The following ARHGEF38 variants were observed in gnomAD, a reference collection of about 807,000 sequenced individuals.
ARHGEF38 encodes the protein Rho guanine nucleotide exchange factor (GEF) 38.
A neutral mutation model predicts 79.9 loss-of-function variants in ARHGEF38; 79 were observed. The observed-to-expected ratio is 0.99, with a 90% CI of 0.82 to 1.19. The LOEUF is 1.19. Among genes scored for constraint, ARHGEF38 ranks in the 50% most tolerant of loss-of-function variants. ARHGEF38 has a pLI of 0.00. For synonymous variants in ARHGEF38, 366 were observed against 328.3 expected (o/e 1.11, Z -1.24); for missense variants, 962 against 907.2 (o/e 1.06, Z -0.78).
chr4:105,580,329 C>G (rs936696084), intron 1 of ARHGEF38, among the ~76,000 whole-genome samples: 10 of 152,118 alleles, frequency 6.6e-5, no homozygotes, highest in Admixed American at 6.6e-4. Flanking sequence ...TGAGATCTTT[C>G]TAACTTTTCG....
intron 6 of ARHGEF38, among the ~76,000 whole-genome samples, chr4:105,647,568 C>T (rs1000797455): frequency 6.6e-6 from 1 of 152,196 alleles, no homozygotes; most frequent in African/African-American, 2.4e-5. Context: ...AGCAGATTCT[C>T]TGCATGAACT....
In ARHGEF38 at chr4:105,621,359, C is replaced by T. The variant is rs548102435; in HGVS notation, c.508+7852C>T. Among the ~76,000 whole-genome samples the T allele has an allele frequency of 9.7e-4, 147 of 152,318 alleles. 1 individual carries two copies. The highest frequency in any genetic ancestry group is 3.5e-3 in the African/African-American group (144 of 41,580). The stretch of plus-strand genomic sequence containing the variant: ...ATTATAATGTTTCAAAGTATTAAAA[C>T]AAGACTGTCATGAACATGCTTGAGT... On this transcript the variant is annotated intron_variant, in intron 3 of 13. Transcript: ENST00000420470.
intron 4 of ARHGEF38, among the ~76,000 whole-genome samples, chr4:105,634,392 A>C (rs1240410487): frequency 6.6e-6 from 1 of 152,152 alleles, no homozygotes; most frequent in Non-Finnish European, 1.5e-5. Flanking sequence ...GCAAGTTTTT[A>C]TTTATTCAAC....
At chr4:105,593,067 C>T (rs1727414459) in intron 2 of ARHGEF38, among the ~76,000 whole-genome samples, 1 of 151,784 alleles carries the variant, frequency 6.6e-6, no homozygotes, top group Non-Finnish European at 1.5e-5. Context: ...ACAAACAAAC[C>T]AAAAAAATTG....
chr4:105,597,002 A>G (rs1011230696), intron 2 of ARHGEF38, among the ~76,000 whole-genome samples: 2 of 152,162 alleles, frequency 1.3e-5, no homozygotes, highest in East Asian at 1.9e-4. Flanking sequence ...CCTCAGTTCT[A>G]TCTGAATACT....
intron 2 of ARHGEF38, among the ~76,000 whole-genome samples, chr4:105,611,006 C>T (rs577750770): frequency 7.2e-5 from 11 of 152,116 alleles, no homozygotes; most frequent in African/African-American, 2.6e-4. Context: ...ACAAAAAGGC[C>T]AATTTCTGAA....
intron 1 of ARHGEF38, among the ~76,000 whole-genome samples, chr4:105,588,405 T>A (rs1727158348): frequency 1.3e-5 from 2 of 152,220 alleles, no homozygotes; most frequent in South Asian, 4.1e-4. Flanking sequence ...ATACACAGAC[T>A]CACACACTGC....
intron 5 of ARHGEF38, among the ~76,000 whole-genome samples, chr4:105,643,315 A>G (rs912806319): frequency 6.6e-6 from 1 of 150,784 alleles, no homozygotes; most frequent in African/African-American, 2.4e-5. Flanking sequence ...TTCTCTCCTT[A>G]CCTTCCTCTT....
intron 1 of ARHGEF38, among the ~76,000 whole-genome samples, chr4:105,566,534 C>A (rs1725896612): frequency 6.6e-6 from 1 of 152,144 alleles, no homozygotes; most frequent in Non-Finnish European, 1.5e-5. Context: ...GTATCAATCA[C>A]CTCAAGCATT....
At chr4:105,603,683 A>G (rs1439951482) in intron 2 of ARHGEF38, among the ~76,000 whole-genome samples, 1 of 152,150 alleles carries the variant, frequency 6.6e-6, no homozygotes, top group African/African-American at 2.4e-5. Context: ...AGATATGTTT[A>G]TACTAGCTTC....
At chr4:105,652,990 C>T (rs1226956604) in intron 7 of ARHGEF38, among the ~76,000 whole-genome samples, 2 of 152,316 alleles carry the variant, frequency 1.3e-5, no homozygotes, top group East Asian at 1.9e-4. Flanking sequence ...CAGTGCCAAG[C>T]TTAATAATAC....
intron 2 of ARHGEF38, among the ~76,000 whole-genome samples, chr4:105,601,722 G>A: frequency 6.6e-6 from 1 of 152,056 alleles, no homozygotes; most frequent in Non-Finnish European, 1.5e-5. Flanking sequence ...GTCAGAGAAA[G>A]CCTTTAGGTA....
chr4:105,673,449 G>A (rs561700409), intron 13 of ARHGEF38, among the ~76,000 whole-genome samples: 3 of 152,180 alleles, frequency 2.0e-5, no homozygotes, highest in Non-Finnish European at 2.9e-5. Flanking sequence ...AAAAGTAGTC[G>A]TTTTGCTACC....
Position 105,678,465 on chromosome 4 carries a change from G to T in ARHGEF38, c.*528G>T, listed in dbSNP as rs1213807328. On this transcript the variant is annotated 3_prime_UTR_variant, in exon 14 of 14. Coordinates refer to ENST00000420470, the MANE Select transcript of ARHGEF38 (RefSeq NM_001242729.2). ...AGTATACACCAAATATACATAAGAAGAATATACCACCAACTAGAAGTCTTT... is the reference window on the plus strand; with the variant it reads ...AGTATACACCAAATATACATAAGAATAATATACCACCAACTAGAAGTCTTT... The T allele has an allele frequency of 6.6e-6, 1 of 152,056 alleles. No homozygotes were observed. Among genetic ancestry groups the T allele is most frequent in the African/African-American group, 2.4e-5 (1 of 41,372 alleles). 9.4% of individuals were successfully genotyped at this position (152,056 alleles called of 1,614,324 possible).
At chr4:105,581,759 T>C (rs1215223782) in intron 1 of ARHGEF38, among the ~76,000 whole-genome samples, 2 of 152,218 alleles carry the variant, frequency 1.3e-5, no homozygotes, top group Non-Finnish European at 2.9e-5. Context: ...TTTATATCTC[T>C]AATAATTTCA....
intron 3 of ARHGEF38, among the ~76,000 whole-genome samples, chr4:105,627,756 G>A (rs1449846802): frequency 1.3e-5 from 2 of 152,104 alleles, no homozygotes; most frequent in African/African-American, 2.4e-5. Flanking sequence ...ACATACATTA[G>A]ACAGAGCGGT....
chr4:105,590,109 A>T (rs1727259951), intron 2 of ARHGEF38, among the ~76,000 whole-genome samples: 1 of 142,972 alleles, frequency 7.0e-6, no homozygotes, highest in African/African-American at 2.9e-5. Context: ...GAAGGAAGGA[A>T]GGAAGGAAGG....
At chr4:105,579,145 A>T (rs911892813) in intron 1 of ARHGEF38, among the ~76,000 whole-genome samples, 1 of 152,154 alleles carries the variant, frequency 6.6e-6, no homozygotes, top group African/African-American at 2.4e-5. Context: ...AAGGAGTACC[A>T]GGACTATGGG....
chr4:105,574,112 G>A (rs1460207532), intron 1 of ARHGEF38, among the ~76,000 whole-genome samples: 1 of 152,038 alleles, frequency 6.6e-6, no homozygotes, highest in East Asian at 1.9e-4. Context: ...CAGTTTTTGG[G>A]GTGAACATTT....
Sources: gnomAD v4.1 joint callset for allele counts (sites outside exome capture counted in the v4.1 genomes callset) on GRCh38, gnomAD v4.1.1 for gene constraint, MANE v1.5 for transcripts, NCBI Gene and HGNC (gene_info 2026-07-23, HGNC 2026-07-21) for gene names.